The following CLNK variants were observed in gnomAD, a reference collection of about 807,000 sequenced individuals.
CLNK encodes the protein cytokine dependent hematopoietic cell linker, also known as cytokine-dependent hematopoietic cell linker.
CLNK carries 74 observed loss-of-function variants against 68.6 expected under a neutral mutation model. The ratio of observed to expected loss-of-function variants is 1.08; its 90% CI spans 0.89 to 1.31. The LOEUF is 1.31. CLNK is among the 50% of genes most tolerant of loss of function. The probability of loss-of-function intolerance (pLI) is 0.00; values close to 1 mark genes in which losing one functional copy is unlikely to be tolerated. For synonymous variants in CLNK, 198 were observed against 172.2 expected (o/e 1.15, Z -1.17); for missense variants, 553 against 515.3 (o/e 1.07, Z -0.71).
intron 1 of CLNK, among the ~76,000 whole-genome samples, chr4:10,681,013 A>C (rs559736372): frequency 4.6e-5 from 7 of 152,226 alleles, no homozygotes; most frequent in African/African-American, 1.7e-4. Context: ...AAATTTCTAC[A>C]GGTAACCATG....
intron 9 of CLNK, 90 bp from the exon 10 acceptor site, chr4:10,542,131 A>G: frequency 7.9e-7 from 1 of 1,272,024 alleles, no homozygotes; most frequent in Non-Finnish European, 1.1e-6. Context: ...AATAGAAATT[A>G]CAAATTGTGA....
At chr4:10,608,720 G>A (rs1172280228) in intron 2 of CLNK, among the ~76,000 whole-genome samples, 1 of 152,192 alleles carries the variant, frequency 6.6e-6, no homozygotes, top group Non-Finnish European at 1.5e-5. Context: ...TAGCCTCTGT[G>A]GGCTGGGGAT....
chr4:10,610,396 A>T (rs1043923851), intron 2 of CLNK, among the ~76,000 whole-genome samples: 3 of 151,794 alleles, frequency 2.0e-5, no homozygotes, highest in African/African-American at 7.3e-5. Context: ...GAGAAAGACA[A>T]AAAAAGCTGA....
chr4:10,531,802 T>C (rs919328008), intron 12 of CLNK: 1 of 457,650 alleles, frequency 2.2e-6, no homozygotes, highest in African/African-American at 2.0e-5. Context: ...TTTTCTGAAG[T>C]TCACAAAGCG....
chr4:10,532,356 T>C, intron 11 of CLNK, 73 bp from the exon 12 acceptor site: 1 of 1,250,562 alleles, frequency 8.0e-7, no homozygotes, highest in Non-Finnish European at 1.2e-6. Flanking sequence ...TTCTGAGCCT[T>C]ACAAACCTTT....
At chr4:10,653,841 G>C (rs952711267) in intron 2 of CLNK, among the ~76,000 whole-genome samples, 1 of 152,256 alleles carries the variant, frequency 6.6e-6, no homozygotes, top group East Asian at 1.9e-4. Flanking sequence ...AGGCACAACA[G>C]ACTTTAAAAT....
At chr4:10,659,465 C>T (rs1001932049) in intron 2 of CLNK, among the ~76,000 whole-genome samples, 1 of 152,178 alleles carries the variant, frequency 6.6e-6, no homozygotes, top group Non-Finnish European at 1.5e-5. Context: ...GGCACATGGC[C>T]AACCAATATT....
chr4:10,665,846 A>G (rs1271969045), intron 2 of CLNK, among the ~76,000 whole-genome samples: 1 of 152,142 alleles, frequency 6.6e-6, no homozygotes, highest in Admixed American at 6.5e-5. Flanking sequence ...TGGTGGCCCT[A>G]CAACATATCC....
intron 3 of CLNK, among the ~76,000 whole-genome samples, chr4:10,594,531 ACTG>A (rs1336575597): frequency 5.3e-5 from 8 of 152,186 alleles, no homozygotes; most frequent in Non-Finnish European, 4.4e-5. Flanking sequence ...GGGAATCAGC[ACTG>A]CTAAGTTCTC....
the CLNK span, among the ~76,000 whole-genome samples, chr4:10,723,919 A>ACAGAGAGAGAGAGATCGAGGGAGAG: frequency 3.4e-5 from 5 of 148,128 alleles, no homozygotes; most frequent in Admixed American, 6.7e-5. Flanking sequence ...AGAGAGAGAG[A>ACAGAGAGAGAGAGATCGAGGGAGAG]AGGCAGGGCA....
chr4:10,546,884 G>T (rs888436898), intron 8 of CLNK, among the ~76,000 whole-genome samples: 7 of 152,172 alleles, frequency 4.6e-5, no homozygotes, highest in African/African-American at 1.7e-4. Context: ...GAGCCTTCTT[G>T]CTGAAGGGGA....
chr4:10,547,123 G>A (rs540246537), intron 8 of CLNK, among the ~76,000 whole-genome samples: 1 of 152,192 alleles, frequency 6.6e-6, no homozygotes, highest in African/African-American at 2.4e-5. Context: ...TGCTATATTG[G>A]GGACAAAGTT....
intron 17 of CLNK, among the ~76,000 whole-genome samples, chr4:10,506,103 C>T (rs1347582926): frequency 7.9e-5 from 12 of 152,246 alleles, no homozygotes; most frequent in Admixed American, 7.2e-4. Flanking sequence ...TAAGCAATCT[C>T]GTATAGTTCT....
chr4:10,617,041 C>T (rs1258169417), intron 2 of CLNK, among the ~76,000 whole-genome samples: 1 of 151,944 alleles, frequency 6.6e-6, no homozygotes, highest in Non-Finnish European at 1.5e-5. Flanking sequence ...TGCTTCTTAT[C>T]TTTCAAGTGG....
chr4:10,727,994 C>T, the CLNK span, among the ~76,000 whole-genome samples: 1 of 152,132 alleles, frequency 6.6e-6, no homozygotes, highest in African/African-American at 2.4e-5. Context: ...TAGAGGTACA[C>T]ATGGATAGAC....
chr4:10,497,813 G>C (rs138851901), intron 18 of CLNK, among the ~76,000 whole-genome samples: 90 of 152,312 alleles, frequency 5.9e-4, no homozygotes, highest in African/African-American at 2.1e-3. Context: ...TTTGGCCCAA[G>C]GCCCTGGCAC....
chr4:10,557,375 A>G (rs1210148524), intron 8 of CLNK, among the ~76,000 whole-genome samples: 1 of 152,148 alleles, frequency 6.6e-6, no homozygotes, highest in East Asian at 1.9e-4. Flanking sequence ...GGAAGCCCCA[A>G]CAGGAGGTCA....
the CLNK span, among the ~76,000 whole-genome samples, chr4:10,708,082 C>T: frequency 6.6e-6 from 1 of 152,124 alleles, no homozygotes; most frequent in Non-Finnish European, 1.5e-5. Flanking sequence ...GACAAGGCAA[C>T]AGTATGAGAT....
chr4:10,568,390 C>T (rs917082009), intron 5 of CLNK, among the ~76,000 whole-genome samples: 1 of 151,982 alleles, frequency 6.6e-6, no homozygotes, highest in African/African-American at 2.4e-5. Flanking sequence ...GAAGGGGGGA[C>T]TGGGTTTCAT....
Sources: allele counts gnomAD v4.1 joint callset (sites outside exome capture counted in the v4.1 genomes callset), GRCh38; gene constraint gnomAD v4.1.1; transcripts MANE v1.5; gene names NCBI Gene and HGNC (gene_info 2026-07-23, HGNC 2026-07-21).